SLC35D1: variants seen among roughly 807,000 people sequenced by gnomAD.
SLC35D1 encodes the protein nucleotide sugar transporter SLC35D1.
Under a neutral mutation model 46.7 loss-of-function variants are expected in SLC35D1, and 31 were observed. The ratio of observed to expected loss-of-function variants is 0.66; its 90% CI spans 0.50 to 0.90. The LOEUF (loss-of-function observed/expected upper bound fraction) is 0.90. Among genes scored for constraint, SLC35D1 ranks in the 40% least tolerant of loss-of-function variants. SLC35D1 has a pLI of 0.00. For missense variants in SLC35D1, 397 were observed against 426.2 expected (o/e 0.93, Z 0.60); for synonymous variants, 195 against 164.6 (o/e 1.18, Z -1.41).
At position 67,047,365 on chromosome 1, in the gene SLC35D1, G is replaced by A; in HGVS notation, c.536C>T (p.Ser179Phe). The change falls in exon 7 of 12, where the codon TCT (serine) becomes TTT (phenylalanine). Residue 179 changes from serine to phenylalanine, a missense_variant and splice_region_variant. Coordinates refer to ENST00000235345, the MANE Select transcript of SLC35D1 (RefSeq NM_015139.3). ...TCCTTCCAGATCAAATGCCAAGTCA[G>A]AGCTGCAAAACATAAGCAACACTTT... ...MIIGAFVAASSDLAFDLEGYA... is the reference protein window; with the variant it reads ...MIIGAFVAASFDLAFDLEGYA... 6.2e-7 allele frequency: 1 copy of A among 1,612,316 alleles called. No individual in the cohort carries two copies. The highest frequency in any genetic ancestry group is 8.5e-7 in the Non-Finnish European group (1 of 1,179,476).
chr1:66,991,922 A>G, the SLC35D1 span, among the ~76,000 whole-genome samples: 6 of 152,148 alleles, frequency 3.9e-5, no homozygotes, highest in African/African-American at 1.4e-4. Flanking sequence ...TAAACTGGCC[A>G]TCTGTAAAAT....
chr1:67,017,705 T>A (rs1420589228), intron 10 of SLC35D1, among the ~76,000 whole-genome samples: 2 of 152,180 alleles, frequency 1.3e-5, no homozygotes, highest in African/African-American at 4.8e-5. Context: ...CTTGGTTTTT[T>A]CTTCTGTTTC....
chr1:67,040,776 G>A (rs895053501), intron 8 of SLC35D1, among the ~76,000 whole-genome samples: 3 of 152,180 alleles, frequency 2.0e-5, no homozygotes, highest in African/African-American at 7.2e-5. Context: ...TGCTCTCTTA[G>A]TCCATTTGGT....
chr1:67,043,591 T>A (rs1470856244), intron 7 of SLC35D1, among the ~76,000 whole-genome samples: 1 of 152,080 alleles, frequency 6.6e-6, no homozygotes, highest in Non-Finnish European at 1.5e-5. Flanking sequence ...CAAAAAAAGA[T>A]GGCCAGATTC....
At chr1:67,023,467 T>C (rs1236649363) in intron 8 of SLC35D1, among the ~76,000 whole-genome samples, 2 of 149,318 alleles carry the variant, frequency 1.3e-5, no homozygotes, top group African/African-American at 2.5e-5. Context: ...TGGTGAAGTG[T>C]CTGTCTAAAT....
At chr1:66,980,434 G>C in the SLC35D1 span, among the ~76,000 whole-genome samples, 1 of 152,156 alleles carries the variant, frequency 6.6e-6, no homozygotes, top group Non-Finnish European at 1.5e-5. Flanking sequence ...ACTATTAGAA[G>C]TTTCTTGAAG....
downstream of SLC35D1, among the ~76,000 whole-genome samples, chr1:66,994,447 C>T (rs1470565120): frequency 1.3e-5 from 2 of 152,062 alleles, no homozygotes; most frequent in Non-Finnish European, 2.9e-5. Context: ...AGTTCGAGAC[C>T]AGCCTGGCCA....
chr1:67,050,287 C>CT (rs1645295165), intron 5 of SLC35D1, 146 bp downstream of exon 5: 1 of 649,912 alleles, frequency 1.5e-6, no homozygotes, highest in East Asian at 2.7e-5. Flanking sequence ...CTCCCACAAA[C>CT]TATCAATTCC....
the SLC35D1 span, among the ~76,000 whole-genome samples, chr1:66,977,846 A>T: frequency 6.6e-6 from 1 of 152,142 alleles, no homozygotes; most frequent in African/African-American, 2.4e-5. Context: ...AAAAAAATTG[A>T]CTTTGTCAAT....
In SLC35D1 at chr1:67,054,036, T is replaced by A. The variant is rs1372471887; in HGVS notation, c.-23A>T. The A allele has an allele frequency of 8.1e-6, 13 of 1,601,860 alleles. No homozygotes were observed. The highest frequency in any genetic ancestry group is 1.1e-5 in the Non-Finnish European group (13 of 1,174,534). On this transcript the variant is annotated 5_prime_UTR_variant, in exon 1 of 12. Transcript: ENST00000235345. Reference sequence around the variant, plus strand: ...CATGGCTGCCGCAGCAGCGGTGGCCTGGCGGCGGGGCCTAGCGGCTCGGGG... The same window carrying A: ...CATGGCTGCCGCAGCAGCGGTGGCCAGGCGGCGGGGCCTAGCGGCTCGGGG...
chr1:66,997,089 C>T (rs760117535), downstream of SLC35D1, among the ~76,000 whole-genome samples: 45 of 152,100 alleles, frequency 3.0e-4, no homozygotes, highest in Non-Finnish European at 2.9e-4. Context: ...GCACAGGCAA[C>T]AAGAGTAGAA....
At chr1:67,053,751 G>GCGC (rs569171894) in intron 1 of SLC35D1, 60 bp downstream of exon 1, 182 of 1,393,154 alleles carry the variant, frequency 1.3e-4, no homozygotes, top group East Asian at 9.7e-4. Context: ...AGCCGGCGCC[G>GCGC]CGCCGCCGCC....
At chr1:67,041,348 G>A (rs1296114218) in intron 8 of SLC35D1, among the ~76,000 whole-genome samples, 1 of 152,116 alleles carries the variant, frequency 6.6e-6, no homozygotes, top group African/African-American at 2.4e-5. Flanking sequence ...GATGGGGGGT[G>A]GGAAACAGCT....
chr1:66,984,467 T>A, the SLC35D1 span: 1 of 830,646 alleles, frequency 1.2e-6, no homozygotes, highest in Non-Finnish European at 1.9e-6. Context: ...ACTATGTATT[T>A]GATACCTTGC....
chr1:66,985,885 TGATG>T, the SLC35D1 span: 4 of 945,516 alleles, frequency 4.2e-6, no homozygotes, highest in Non-Finnish European at 3.8e-6. Context: ...AAATTAAGCA[TGATG>T]CTTAGATTGC....
In SLC35D1 at chr1:67,052,909, G is replaced by C. The variant is rs767231853; in HGVS notation, c.237+47C>G. 5 of 1,613,910 alleles carry C rather than the reference G, an allele frequency of 3.1e-6. No individual in the cohort carries two copies. In the South Asian group the frequency reaches 3.3e-5, roughly 11 times the overall value. ...TGTTCTACACATAAAGACACACACA[G>C]AAGTTCTAACAACATAAACCACGTA... On this transcript the variant is annotated intron_variant, in intron 2 of 11. Transcript: ENST00000235345.
intron 9 of SLC35D1, 84 bp from the exon 10 acceptor site, chr1:67,020,531 C>T: frequency 2.1e-6 from 2 of 958,342 alleles, no homozygotes; most frequent in Non-Finnish European, 3.4e-6. Context: ...GTTGGCCAAG[C>T]CAGCACATTC....
intron 8 of SLC35D1, among the ~76,000 whole-genome samples, chr1:67,029,462 A>G (rs1667976103): frequency 2.0e-5 from 3 of 152,350 alleles, no homozygotes; most frequent in African/African-American, 4.8e-5. Context: ...AGTAACGCAC[A>G]ATAAACTGGC....
chr1:67,015,218 A>AT (rs1667659659), intron 10 of SLC35D1, among the ~76,000 whole-genome samples: 1 of 149,612 alleles, frequency 6.7e-6, no homozygotes, highest in African/African-American at 2.4e-5. Flanking sequence ...AAAGTTTTTA[A>AT]TTAAAAAAAC....
Sources: allele counts gnomAD v4.1 joint callset (sites outside exome capture counted in the v4.1 genomes callset), GRCh38; gene constraint gnomAD v4.1.1; transcripts MANE v1.5; gene names NCBI Gene and HGNC (gene_info 2026-07-23, HGNC 2026-07-21).